The following WIF1 variants were observed in gnomAD, a reference collection of about 807,000 sequenced individuals.
WIF1 encodes the protein Wnt inhibitory factor 1.
WIF1 carries 35 observed loss-of-function variants against 53.5 expected under a neutral mutation model. The observed-to-expected ratio is 0.65, with a 90% CI of 0.50 to 0.87. The LOEUF (loss-of-function observed/expected upper bound fraction) is 0.87, where lower values mean the gene tolerates loss of function less well. Among genes scored for constraint, WIF1 ranks in the 40% least tolerant of loss-of-function variants. The pLI is 0.00. For missense variants in WIF1, 467 were observed against 476.8 expected, an observed-to-expected ratio of 0.98 and a Z score of 0.19; for synonymous variants, 171 against 170.4, an observed-to-expected ratio of 1.00 and a Z score of -0.03.
Position 65,121,160 on chromosome 12 carries a change from G to A in WIF1, c.32C>T (p.Ala11Val). 3 of 1,546,384 alleles carry A rather than the reference G, an allele frequency of 1.9e-6. No individual in the cohort carries two copies. Among genetic ancestry groups the A allele is most frequent in the Non-Finnish European group, 2.6e-6 (3 of 1,145,230 alleles). Reference sequence around the variant, plus strand: ...CAGGAGGATGCTCCAGAGCCAGAGCGCGGCGGCAGGGAAGGCGCTCCTCCG... The same window carrying A: ...CAGGAGGATGCTCCAGAGCCAGAGCACGGCGGCAGGGAAGGCGCTCCTCCG... MARRSAFPAAALWLWSILLCL... is the reference protein window; with the variant it reads MARRSAFPAAVLWLWSILLCL... Residue 11 changes from alanine (A) to valine (V), a missense_variant, in exon 1 of 10, where the codon GCG (alanine) becomes GTG (valine). Ala to Val is a moderately conservative substitution (Grantham distance 64, BLOSUM62 0). Transcript: ENST00000286574.
At chr12:65,104,009 G>A (rs1168485551) in intron 2 of WIF1, among the ~76,000 whole-genome samples, 1 of 152,138 alleles carries the variant, frequency 6.6e-6, no homozygotes, top group Non-Finnish European at 1.5e-5. Flanking sequence ...GGGCTGCAGT[G>A]AGTCACGTTC....
intron 2 of WIF1, among the ~76,000 whole-genome samples, chr12:65,106,693 C>T (rs146746015): frequency 1.2e-4 from 19 of 152,330 alleles, no homozygotes; most frequent in Admixed American, 4.6e-4. Context: ...TGCCACTGGG[C>T]ATGTTCAACC....
chr12:65,063,221 A>G (rs887518853), intron 6 of WIF1, among the ~76,000 whole-genome samples: 1 of 152,196 alleles, frequency 6.6e-6, no homozygotes, highest in African/African-American at 2.4e-5. Context: ...TGGAAGCCCA[A>G]TAACCAGATT....
intron 2 of WIF1, among the ~76,000 whole-genome samples, chr12:65,100,818 C>G (rs1883271436): frequency 6.6e-6 from 1 of 151,912 alleles, no homozygotes; most frequent in Non-Finnish European, 1.5e-5. Flanking sequence ...CCCAGGAGTT[C>G]AAGACTAGCC....
intron 2 of WIF1, among the ~76,000 whole-genome samples, chr12:65,087,376 C>T (rs1187150235): frequency 6.6e-6 from 1 of 152,062 alleles, no homozygotes; most frequent in African/African-American, 2.4e-5. Context: ...AATTAATGTT[C>T]CATTTCTTTC....
chr12:65,095,305 G>T (rs549680516), intron 2 of WIF1, among the ~76,000 whole-genome samples: 1 of 152,118 alleles, frequency 6.6e-6, no homozygotes, highest in East Asian at 1.9e-4. Flanking sequence ...GCAAATTTGT[G>T]TCTCTGGATT....
chr12:65,113,947 T>A (rs1883471282), intron 2 of WIF1, among the ~76,000 whole-genome samples: 1 of 152,176 alleles, frequency 6.6e-6, no homozygotes, highest in Non-Finnish European at 1.5e-5. Flanking sequence ...CACTAAGGTA[T>A]GACAGCAAAC....
intron 6 of WIF1, among the ~76,000 whole-genome samples, chr12:65,064,197 G>A (rs1329343796): frequency 6.6e-6 from 1 of 152,224 alleles, no homozygotes; most frequent in Non-Finnish European, 1.5e-5. Flanking sequence ...TTACTGATGT[G>A]TAGAATGCAA....
At chr12:65,064,700 T>C (rs1221915138) in intron 6 of WIF1, among the ~76,000 whole-genome samples, 2 of 152,114 alleles carry the variant, frequency 1.3e-5, no homozygotes, top group African/African-American at 4.8e-5. Context: ...AATCTTTCAT[T>C]TGAAAGATAA....
chr12:65,077,697 C>T (rs1467013407), intron 3 of WIF1, 49 bp downstream of exon 3: 1 of 1,316,692 alleles, frequency 7.6e-7, no homozygotes, highest in South Asian at 1.2e-5. Flanking sequence ...ATATTCTTAT[C>T]ATCATTACAT....
In WIF1 at chr12:65,055,230, TAA is replaced by T. The variant is rs755764654; in HGVS notation, c.923-19_923-18del. 8.0e-5 allele frequency: 128 copies of T among 1,608,826 alleles called. No homozygotes were observed. The highest frequency in any genetic ancestry group is 2.5e-4 in the East Asian group (11 of 44,848). On this transcript the variant is annotated intron_variant, in intron 8 of 9. Coordinates refer to ENST00000286574, the MANE Select transcript of WIF1 (RefSeq NM_007191.5). Reference sequence around the variant, plus strand: ...CGCAGACAGCTAGAATCAAAAGAAATAAAAAGAGTATTTCCTGAGCTTTCCTT... The same window carrying T: ...CGCAGACAGCTAGAATCAAAAGAAATAAAGAGTATTTCCTGAGCTTTCCTT...
At chr12:65,083,076 G>A (rs1351157259) in intron 2 of WIF1, among the ~76,000 whole-genome samples, 1 of 152,144 alleles carries the variant, frequency 6.6e-6, no homozygotes, top group Non-Finnish European at 1.5e-5. Context: ...TTTGTTGAAT[G>A]TTTATTATAC....
chr12:65,080,943 A>C (rs1159312864), intron 2 of WIF1, among the ~76,000 whole-genome samples: 2 of 152,126 alleles, frequency 1.3e-5, no homozygotes, highest in East Asian at 3.8e-4. Flanking sequence ...GTAAAACTAC[A>C]ATAATTTTAA....
Position 65,120,511 on chromosome 12 carries a change from G to A in WIF1, c.194C>T (p.Pro65Leu). The A allele has an allele frequency of 6.2e-7, 1 of 1,613,958 alleles. No individual in the cohort carries two copies. The highest frequency in any genetic ancestry group is 8.5e-7 in the Non-Finnish European group (1 of 1,179,972). Residue 65 changes from proline (P) to leucine (L), a missense_variant, in exon 2 of 10, where the codon CCT becomes CTT. Pro to Leu is a moderately conservative substitution (Grantham distance 98). Transcript: ENST00000286574. ...ILIVSEGKMA[P>L]FTHDFRKAQQ... ...TGCTTTTCTGAAATCATGTGTAAAA[G>A]GTGCCATTTTCCCCTCTGAAACAAT...
chr12:65,071,008 G>T (rs1339734338), intron 3 of WIF1, among the ~76,000 whole-genome samples: 1 of 151,822 alleles, frequency 6.6e-6, no homozygotes, highest in Non-Finnish European at 1.5e-5. Context: ...GGCCGAGGCG[G>T]GTGCATCACT....
At chr12:65,106,205 G>A (rs1883349272) in intron 2 of WIF1, among the ~76,000 whole-genome samples, 1 of 152,016 alleles carries the variant, frequency 6.6e-6, no homozygotes, top group African/African-American at 2.4e-5. Context: ...GGGACAGGTT[G>A]GCACTTCAGA....
intron 3 of WIF1, among the ~76,000 whole-genome samples, chr12:65,073,980 G>C (rs1390522821): frequency 6.6e-6 from 1 of 152,026 alleles, no homozygotes; most frequent in East Asian, 1.9e-4. Flanking sequence ...CCCAAAGAAG[G>C]CTTGTTGTTT....
chr12:65,066,614 ACTTT>A, intron 6 of WIF1, 23 bp downstream of exon 6: 1 of 1,571,144 alleles, frequency 6.4e-7, no homozygotes, highest in Non-Finnish European at 8.7e-7. Flanking sequence ...AGTAAAAATA[ACTTT>A]CTTCTTAAAA....
chr12:65,080,040 A>G (rs1203541942), intron 2 of WIF1, among the ~76,000 whole-genome samples: 1 of 152,226 alleles, frequency 6.6e-6, no homozygotes, highest in African/African-American at 2.4e-5. Flanking sequence ...TTGCTGCTTT[A>G]AATCACAGTA....
Sources: gnomAD v4.1 joint callset for allele counts (sites outside exome capture counted in the v4.1 genomes callset) on GRCh38, gnomAD v4.1.1 for gene constraint, MANE v1.5 for transcripts, NCBI Gene and HGNC (gene_info 2026-07-23, HGNC 2026-07-21) for gene names.